GMEB1: variants seen among roughly 807,000 people sequenced by gnomAD.
The protein encoded by GMEB1 is glucocorticoid modulatory element binding protein 1, also known as glucocorticoid modulatory element-binding protein 1.
A neutral mutation model predicts 52.4 loss-of-function variants in GMEB1; 6 were observed. That is an observed-to-expected ratio of 0.11 (90% CI 0.06 to 0.23). The LOEUF is 0.23. GMEB1 is among the 10% of genes least tolerant of loss of function. The pLI is 1.00. For missense variants in GMEB1, 486 were observed against 685.6 expected (o/e 0.71, Z 3.25); for synonymous variants, 255 against 244.9 (o/e 1.04, Z -0.38).
In GMEB1 at chr1:28,691,629, C is replaced by G; in HGVS notation, c.256C>G (p.Pro86Ala). The G allele has an allele frequency of 6.3e-7, 1 of 1,579,656 alleles. No homozygotes were observed. Among genetic ancestry groups the G allele is most frequent in the Middle Eastern group, 1.7e-4 (1 of 5,912 alleles). The part of the protein sequence containing the change: ...EANEDMEIAY[P>A]ITCGESKAIL... ...AAATGAGGATATGGAAATTGCTTAC[C>G]CCATAACTTGTGGGGAGAGCAAAGC... Residue 86 changes from proline (P) to alanine (A), a missense_variant, in exon 4 of 10, where the codon CCC (proline) becomes GCC (alanine). Transcript: ENST00000373816.
intron 1 of GMEB1, among the ~76,000 whole-genome samples, chr1:28,669,701 T>C (rs545570318): frequency 1.3e-5 from 2 of 151,948 alleles, no homozygotes; most frequent in Admixed American, 1.3e-4. Flanking sequence ...TCTAGGTGCC[T>C]CTTGATGTCT....
chr1:28,704,789 G>A (rs1670669748), intron 8 of GMEB1, among the ~76,000 whole-genome samples: 1 of 151,992 alleles, frequency 6.6e-6, no homozygotes, highest in Non-Finnish European at 1.5e-5. Flanking sequence ...TGTATTTTTA[G>A]TAGAGACAGG....
chr1:28,714,303 T>C lies in GMEB1; in HGVS notation c.1222T>C (p.Ser408Pro). The change falls in exon 10 of 10, where the codon TCC becomes CCC. Residue 408 changes from serine (S) to proline (P), a missense_variant. By Grantham distance (74) the Ser-to-Pro change is moderately conservative. Coordinates refer to ENST00000373816, the MANE Select transcript of GMEB1 (RefSeq NM_001319674.2). ...ITITPVGQSFSMGNIPVATLS... is the reference protein window; with the variant it reads ...ITITPVGQSFPMGNIPVATLS... Reference sequence around the variant, plus strand: ...CATCACCCCAGTGGGTCAGTCATTTTCCATGGGCAATATTCCAGTGGCCAC... The same window carrying C: ...CATCACCCCAGTGGGTCAGTCATTTCCCATGGGCAATATTCCAGTGGCCAC... 1.2e-6 allele frequency: 2 copies of C among 1,614,220 alleles called. No homozygotes were observed. Among genetic ancestry groups the C allele is most frequent in the Non-Finnish European group, 1.7e-6 (2 of 1,180,026 alleles).
At chr1:28,673,028 T>C (rs946036709) in intron 1 of GMEB1, among the ~76,000 whole-genome samples, 1 of 151,958 alleles carries the variant, frequency 6.6e-6, no homozygotes, top group Non-Finnish European at 1.5e-5. Flanking sequence ...CCCGAGTAGA[T>C]AGGATTACAG....
At chr1:28,701,555 A>C (rs1670519202) in intron 6 of GMEB1, among the ~76,000 whole-genome samples, 1 of 152,050 alleles carries the variant, frequency 6.6e-6, no homozygotes, top group African/African-American at 2.4e-5. Context: ...GGCGTGAGCC[A>C]CTGCGCCTGG....
rs201306299 is a variant in GMEB1, at chr1:28,694,283, C to T, written c.440+1238C>T. 1.7e-4 allele frequency among the ~76,000 whole-genome samples: 26 copies of T among 150,922 alleles called. No individual in the cohort carries two copies. The East Asian group carries it at 2.0e-3, about 11-fold the overall frequency. Reference sequence around the variant, plus strand: ...TCGGCTCACTGCAACCTCTGCCTCCCGGGTTCAAGTGATTCTCCTGTCTCA... The same window carrying T: ...TCGGCTCACTGCAACCTCTGCCTCCTGGGTTCAAGTGATTCTCCTGTCTCA... On this transcript the variant is annotated intron_variant, in intron 5 of 9. Coordinates refer to ENST00000373816, the MANE Select transcript of GMEB1 (RefSeq NM_001319674.2).
chr1:28,675,438 G>C, intron 1 of GMEB1, among the ~76,000 whole-genome samples: 1 of 152,054 alleles, frequency 6.6e-6, no homozygotes, highest in Non-Finnish European at 1.5e-5. Context: ...CAGCACTGTG[G>C]GAGACAGGCG....
intron 8 of GMEB1, among the ~76,000 whole-genome samples, chr1:28,707,900 ATT>A (rs772064148): frequency 8.3e-5 from 12 of 144,112 alleles, no homozygotes; most frequent in Admixed American, 1.4e-4. Flanking sequence ...AATACTGACA[ATT>A]TTTTTTTTTT....
At chr1:28,704,847 A>AT (rs1270623205) in intron 8 of GMEB1, among the ~76,000 whole-genome samples, 1 of 151,856 alleles carries the variant, frequency 6.6e-6, no homozygotes, top group Non-Finnish European at 1.5e-5. Flanking sequence ...ACCTCAGGTG[A>AT]TCCCCCCGCC....
At chr1:28,675,934 C>T (rs1378394270) in intron 1 of GMEB1, among the ~76,000 whole-genome samples, 4 of 152,112 alleles carry the variant, frequency 2.6e-5, no homozygotes, top group Non-Finnish European at 5.9e-5. Flanking sequence ...ATGAGTGATA[C>T]TTAACCCAAA....
chr1:28,705,698 G>A (rs1176981981), intron 8 of GMEB1, among the ~76,000 whole-genome samples: 3 of 150,470 alleles, frequency 2.0e-5, no homozygotes, highest in South Asian at 2.1e-4. Context: ...TGATCCGCCC[G>A]CCTCGGCCTC....
At chr1:28,701,970 T>C (rs1670538743) in intron 6 of GMEB1, among the ~76,000 whole-genome samples, 1 of 152,216 alleles carries the variant, frequency 6.6e-6, no homozygotes, top group East Asian at 1.9e-4. Context: ...ACTTTCTCTT[T>C]ATAGGCTAAT....
At chr1:28,707,728 G>A (rs536081404) in intron 8 of GMEB1, among the ~76,000 whole-genome samples, 2 of 152,124 alleles carry the variant, frequency 1.3e-5, no homozygotes. Flanking sequence ...CACTCATCTA[G>A]ATAGAAGTAT....
intron 4 of GMEB1, among the ~76,000 whole-genome samples, chr1:28,692,462 C>T (rs1282843746): frequency 6.6e-6 from 1 of 150,986 alleles, no homozygotes; most frequent in Non-Finnish European, 1.5e-5. Context: ...AACCCGGGGG[C>T]AGAGGTTGCA....
Position 28,668,991 on chromosome 1 carries a change from T to TGCC in GMEB1, c.-31+166_-31+168dup, listed in dbSNP as rs912615987. ...CGGGCGCCTCCCCACGCCCTGTGCG[T>TGCC]GCCGCCGCCGCCGCCGGGGAGCGAG... On this transcript the variant is annotated intron_variant, in intron 1 of 9. Coordinates refer to ENST00000373816, the MANE Select transcript of GMEB1 (RefSeq NM_001319674.2). 1.4e-4 allele frequency among the ~76,000 whole-genome samples: 19 copies of TGCC among 131,106 alleles called. No individual in the cohort carries two copies. The East Asian group carries it at 1.6e-3, about 11-fold the overall frequency. The allele number at this position is 131,106 out of a possible 152,430, so 86.0% of individuals were successfully genotyped here. A position where few individuals can be genotyped will look rare whatever the true frequency, so the allele number is the denominator to read the frequency against.
chr1:28,708,615 C>G (rs1557521961), intron 8 of GMEB1, among the ~76,000 whole-genome samples: 1 of 151,948 alleles, frequency 6.6e-6, no homozygotes, highest in African/African-American at 2.4e-5. Context: ...GCATGCACCA[C>G]CACGCCTGGC....
intron 1 of GMEB1, among the ~76,000 whole-genome samples, chr1:28,677,038 A>G (rs1669181665): frequency 6.6e-6 from 1 of 152,182 alleles, no homozygotes; most frequent in Admixed American, 6.6e-5. Flanking sequence ...TGGGTGAAAA[A>G]TCGAGACTTT....
chr1:28,702,155 A>C (rs1328716643), intron 6 of GMEB1, among the ~76,000 whole-genome samples: 5 of 152,160 alleles, frequency 3.3e-5, no homozygotes, highest in Admixed American at 3.3e-4. Context: ...TTTCAAAAAC[A>C]TACCTACCTA....
chr1:28,678,139 A>G (rs560299155), intron 1 of GMEB1, among the ~76,000 whole-genome samples: 2 of 151,264 alleles, frequency 1.3e-5, no homozygotes, highest in East Asian at 3.9e-4. Flanking sequence ...AGCCTAGATC[A>G]CACCACACCA....
Sources: gnomAD v4.1 joint callset for allele counts (sites outside exome capture counted in the v4.1 genomes callset) on GRCh38, gnomAD v4.1.1 for gene constraint, MANE v1.5 for transcripts, NCBI Gene and HGNC (gene_info 2026-07-23, HGNC 2026-07-21) for gene names.